ANTXR1: variants seen among roughly 807,000 people sequenced by gnomAD.
The protein encoded by ANTXR1 is ANTXR cell adhesion molecule 1.
ANTXR1 carries 19 observed loss-of-function variants against 78.1 expected under a neutral mutation model. That is an observed-to-expected ratio of 0.24 (90% CI 0.17 to 0.36). The LOEUF (loss-of-function observed/expected upper bound fraction) is 0.36, where lower values mean the gene tolerates loss of function less well. Among genes scored for constraint, ANTXR1 ranks in the 10% least tolerant of loss-of-function variants. The pLI is 1.00. For synonymous variants in ANTXR1, 273 were observed against 260.5 expected, an observed-to-expected ratio of 1.05 and a Z score of -0.46; for missense variants, 518 against 718.6, an observed-to-expected ratio of 0.72 and a Z score of 3.19.
chr2:69,216,776 G>A (rs551920300), intron 17 of ANTXR1, among the ~76,000 whole-genome samples: 6 of 152,186 alleles, frequency 3.9e-5, no homozygotes, highest in South Asian at 4.2e-4. Context: ...GCCCTTTCAC[G>A]GGACCACTGA....
At chr2:69,122,942 G>A (rs1335145190) in intron 10 of ANTXR1, 75 bp from the exon 11 acceptor site, 7 of 1,505,032 alleles carry the variant, frequency 4.7e-6, no homozygotes, top group Non-Finnish European at 5.6e-6. Context: ...CTTGGTTGAT[G>A]TTCTCTAGAA....
At chr2:69,151,233 C>T (rs1188920887) in intron 12 of ANTXR1, among the ~76,000 whole-genome samples, 3 of 142,016 alleles carry the variant, frequency 2.1e-5, no homozygotes, top group Non-Finnish European at 4.5e-5. Flanking sequence ...GCTCTGTCGC[C>T]CAGGCTGGAG....
In ANTXR1 at chr2:69,071,768, T is replaced by G; in HGVS notation, c.393T>G (p.Ile131Met). Reference sequence around the variant, plus strand: ...ATGTTTTTCAGGCCAGTGAGCAGATTTATTATGAAAACAGACAAGGTAAGA... The same window carrying G: ...ATGTTTTTCAGGCCAGTGAGCAGATGTATTATGAAAACAGACAAGGTAAGA... ...HEGFERASEQ[I>M]YYENRQGYRT... The change falls in exon 5 of 18, where the codon ATT becomes ATG. Residue 131 changes from isoleucine (I) to methionine (M), a missense_variant. Physicochemically the swap from Ile to Met is conservative, Grantham distance 10. Around this residue, in one of 5 missense-constraint regions of ANTXR1, gnomAD observed 264 missense variants for 391.8 expected, o/e 0.67. Coordinates refer to ENST00000303714, the MANE Select transcript of ANTXR1 (RefSeq NM_032208.3). The G allele has an allele frequency of 6.2e-7, 1 of 1,613,894 alleles. No homozygotes were observed. The highest frequency in any genetic ancestry group is 8.5e-7 in the Non-Finnish European group (1 of 1,179,834).
chr2:69,110,209 G>C (rs541837145), intron 10 of ANTXR1, among the ~76,000 whole-genome samples: 3 of 152,228 alleles, frequency 2.0e-5, no homozygotes, highest in Non-Finnish European at 4.4e-5. Context: ...CCATTAAATC[G>C]TTAGGAAGGA....
In ANTXR1 at chr2:69,245,461, C is replaced by T; in HGVS notation, c.1671C>T (p.Arg557=). Residue 557 remains arginine, a synonymous_variant, in exon 18 of 18, where the codon CGC becomes CGT. Coordinates refer to ENST00000303714, the MANE Select transcript of ANTXR1 (RefSeq NM_032208.3). ...PPPNRAPPPS[R]PPPRPSV ...CCAACAGGGCACCTCCTCCCTCCCG[C>T]CCTCCTCCAAGGCCTTCTGTCTAGA... 6.2e-7 allele frequency: 1 copy of T among 1,612,716 alleles called. No homozygotes were observed. The highest frequency in any genetic ancestry group is 8.5e-7 in the Non-Finnish European group (1 of 1,179,720).
At chr2:69,109,550 T>G (rs1467760840) in intron 10 of ANTXR1, among the ~76,000 whole-genome samples, 2 of 152,138 alleles carry the variant, frequency 1.3e-5, no homozygotes, top group African/African-American at 4.8e-5. Flanking sequence ...AACCAAACAC[T>G]TAGGTGAATT....
chr2:69,028,076 T>A (rs1284816304), intron 1 of ANTXR1, among the ~76,000 whole-genome samples: 1 of 151,930 alleles, frequency 6.6e-6, no homozygotes, highest in East Asian at 1.9e-4. Flanking sequence ...TAGAGGAAAG[T>A]GATGAATGAT....
At chr2:69,162,161 A>G (rs1673698874) in intron 13 of ANTXR1, among the ~76,000 whole-genome samples, 1 of 152,224 alleles carries the variant, frequency 6.6e-6, no homozygotes, top group Non-Finnish European at 1.5e-5. Flanking sequence ...AGATGTTTCC[A>G]GGGCCCAAAT....
intron 7 of ANTXR1, among the ~76,000 whole-genome samples, chr2:69,076,771 A>C (rs1670745125): frequency 6.6e-6 from 1 of 152,256 alleles, no homozygotes; most frequent in Non-Finnish European, 1.5e-5. Flanking sequence ...AAAAACAATA[A>C]AACATATTTT....
intron 17 of ANTXR1, among the ~76,000 whole-genome samples, chr2:69,207,744 T>TTA (rs1206172592): frequency 6.6e-6 from 1 of 152,144 alleles, no homozygotes; most frequent in Non-Finnish European, 1.5e-5. Context: ...CCACCCTGTG[T>TTA]TATAGCTTGT....
chr2:69,115,642 G>C (rs1672117231), intron 10 of ANTXR1, among the ~76,000 whole-genome samples: 1 of 152,164 alleles, frequency 6.6e-6, no homozygotes, highest in Admixed American at 6.5e-5. Context: ...CTTCCTCAGA[G>C]AACAGAATGG....
intron 1 of ANTXR1, among the ~76,000 whole-genome samples, chr2:69,036,736 G>A (rs1177093290): frequency 6.6e-6 from 1 of 152,192 alleles, no homozygotes; most frequent in East Asian, 1.9e-4. Flanking sequence ...TGATTCTAGT[G>A]GAAAGGGGTT....
chr2:69,177,932 T>C (rs188950316), intron 14 of ANTXR1, among the ~76,000 whole-genome samples: 2 of 152,294 alleles, frequency 1.3e-5, no homozygotes, highest in African/African-American at 2.4e-5. Flanking sequence ...TTCACAGCAA[T>C]TGGGCTCATC....
In ANTXR1 at chr2:69,044,955, G is replaced by A. The variant is rs185570448; in HGVS notation, c.296+142G>A. ...TTTTACCCTAAGTTTTTAACCTTAC[G>A]TATGGGCACATGGGTCCTGCTGCTA... On this transcript the variant is annotated intron_variant, in intron 3 of 17. Coordinates refer to ENST00000303714, the MANE Select transcript of ANTXR1 (RefSeq NM_032208.3). 1,724 of 787,180 alleles carry A rather than the reference G, an allele frequency of 2.2e-3. 9 individuals are homozygous for A. The highest frequency in any genetic ancestry group is 2.0e-3 in the Non-Finnish European group (926 of 461,474). 48.8% of individuals were successfully genotyped at this position (787,180 alleles called of 1,614,324 possible).
rs966069562 is a variant in ANTXR1 at position 69,119,936 on chromosome 2, G to A, written c.803-3081G>A. ...AAGTGACATACAGGAAGTGCTTAGA[G>A]ATTGCCTGCATGCAACATGCGCTGG... On this transcript the variant is annotated intron_variant, in intron 10 of 17. Coordinates refer to ENST00000303714, the MANE Select transcript of ANTXR1 (RefSeq NM_032208.3). Among the ~76,000 whole-genome samples, 4 of 152,232 alleles carry A rather than the reference G, an allele frequency of 2.6e-5. No individual in the cohort carries two copies. The East Asian group carries it at 7.7e-4, about 29-fold the overall frequency.
At chr2:69,041,368 T>G (rs1259107692) in intron 2 of ANTXR1, among the ~76,000 whole-genome samples, 1 of 152,218 alleles carries the variant, frequency 6.6e-6, no homozygotes, top group Non-Finnish European at 1.5e-5. Context: ...TTTTTGTCAT[T>G]AGGCCAAGAT....
At chr2:69,225,256 G>A (rs1444253942) in intron 17 of ANTXR1, among the ~76,000 whole-genome samples, 1 of 152,092 alleles carries the variant, frequency 6.6e-6, no homozygotes, top group Non-Finnish European at 1.5e-5. Context: ...TTCTCTCCTG[G>A]GTAACACTCT....
chr2:69,184,830 G>T (rs539341788), intron 16 of ANTXR1, among the ~76,000 whole-genome samples: 3 of 152,154 alleles, frequency 2.0e-5, no homozygotes, highest in Non-Finnish European at 2.9e-5. Flanking sequence ...TTTCAAACCC[G>T]GCTGAGTGTC....
rs1006071565 is a variant in ANTXR1 at position 69,041,636 on chromosome 2, T to C, written c.224+1521T>C. 8.5e-5 allele frequency among the ~76,000 whole-genome samples: 13 copies of C among 152,198 alleles called. No homozygotes were observed. The South Asian group carries it at 2.7e-3, about 32-fold the overall frequency. On this transcript the variant is annotated intron_variant, in intron 2 of 17. Transcript: ENST00000303714. ...TATGAGGCTTATAAGAGAAAACATG[T>C]GCAAGCCCACCAGTCCAGCACCTGG...
Sources: allele counts gnomAD v4.1 joint callset (sites outside exome capture counted in the v4.1 genomes callset), GRCh38; gene constraint gnomAD v4.1.1; regional missense constraint gnomAD v4.1.1; transcripts MANE v1.5; gene names NCBI Gene and HGNC (gene_info 2026-07-23, HGNC 2026-07-21).